GRM1: variants seen among roughly 807,000 people sequenced by gnomAD.
GRM1 encodes the protein glutamate metabotropic receptor 1.
A neutral mutation model predicts 90.9 loss-of-function variants in GRM1; 33 were observed. That is an observed-to-expected ratio of 0.36 (90% CI 0.28 to 0.49). GRM1 has a LOEUF of 0.49. Among genes scored for constraint, GRM1 ranks in the 20% least tolerant of loss-of-function variants. GRM1 has a pLI of 0.99. For synonymous variants in GRM1, 700 were observed against 613.2 expected, an observed-to-expected ratio of 1.14 and a Z score of -2.09; for missense variants, 1,190 against 1,534.3, an observed-to-expected ratio of 0.78 and a Z score of 3.75.
chr6:146,116,727 T>C (rs1775762311), intron 1 of GRM1, among the ~76,000 whole-genome samples: 2 of 152,142 alleles, frequency 1.3e-5, no homozygotes, highest in Non-Finnish European at 2.9e-5. Context: ...TCAGTAAATT[T>C]GGGGAGAGAT....
chr6:146,262,730 T>C (rs999049202), intron 2 of GRM1, among the ~76,000 whole-genome samples: 1 of 151,776 alleles, frequency 6.6e-6, no homozygotes, highest in African/African-American at 2.4e-5. Flanking sequence ...ATATGAAACA[T>C]ATGGAACCTT....
chr6:146,027,866 C>G (rs2128833131), upstream of GRM1: 1 of 152,662 alleles, frequency 6.6e-6, no homozygotes, highest in Middle Eastern at 3.4e-3. Context: ...CCACCCACAA[C>G]GGCAGACAAA....
intron 1 of GRM1, among the ~76,000 whole-genome samples, chr6:146,157,793 T>C (rs1777573118): frequency 6.6e-6 from 1 of 152,030 alleles, no homozygotes. Flanking sequence ...ATAGATAATA[T>C]AAATGCCAGT....
chr6:146,345,314 C>T (rs1785142107), intron 3 of GRM1, among the ~76,000 whole-genome samples: 1 of 152,142 alleles, frequency 6.6e-6, no homozygotes, highest in Non-Finnish European at 1.5e-5. Flanking sequence ...AGTGCAACAT[C>T]TTGTCAAGTT....
chr6:146,200,498 T>A (rs1779264748), intron 2 of GRM1, among the ~76,000 whole-genome samples: 1 of 152,214 alleles, frequency 6.6e-6, no homozygotes, highest in Non-Finnish European at 1.5e-5. Context: ...ATTGGGTCAC[T>A]GCCTCCTTCC....
intron 5 of GRM1, among the ~76,000 whole-genome samples, chr6:146,368,551 A>G (rs895314016): frequency 6.6e-6 from 1 of 152,068 alleles, no homozygotes; most frequent in Non-Finnish European, 1.5e-5. Context: ...CATTTCTTAT[A>G]TAACTAATTT....
chr6:146,072,973 G>A (rs1776063400), intron 1 of GRM1, among the ~76,000 whole-genome samples: 1 of 152,124 alleles, frequency 6.6e-6, no homozygotes, highest in Non-Finnish European at 1.5e-5. Flanking sequence ...AGGGGTCTCA[G>A]TGGCCACCTG....
At position 146,159,413 on chromosome 6, in the gene GRM1, G is replaced by T. The variant is rs1481149264; in HGVS notation, c.766G>T (p.Ala256Ser). The T allele has an allele frequency of 1.2e-6, 2 of 1,614,150 alleles. No homozygotes were observed. Among genetic ancestry groups the T allele is most frequent in the Non-Finnish European group, 8.5e-7 (1 of 1,180,002 alleles). The part of the protein sequence containing the change: ...ELAAQEGLCI[A>S]HSDKIYSNAG... The stretch of plus-strand genomic sequence containing the variant: ...GGCTGCCCAGGAAGGCCTCTGTATC[G>T]CCCATTCTGACAAAATCTACAGCAA... The change falls in exon 2 of 8, where the codon GCC (alanine) becomes TCC (serine). Residue 256 changes from alanine (A) to serine (S), a missense_variant. This residue lies in a region of GRM1 where 45 missense variants were observed against 45.5 expected (regional missense o/e 0.99). Coordinates refer to ENST00000282753, the MANE Select transcript of GRM1 (RefSeq NM_001278064.2).
At chr6:146,264,461 A>C (rs1308461402) in intron 2 of GRM1, among the ~76,000 whole-genome samples, 1 of 152,096 alleles carries the variant, frequency 6.6e-6, no homozygotes, top group Non-Finnish European at 1.5e-5. Context: ...TTTAATCAAA[A>C]TGAATTTAAA....
chr6:146,095,473 A>G (rs753421048), intron 1 of GRM1, among the ~76,000 whole-genome samples: 7 of 152,038 alleles, frequency 4.6e-5, no homozygotes, highest in Non-Finnish European at 1.0e-4. Flanking sequence ...GATCTTTCCT[A>G]TCTTCCAAAA....
intron 1 of GRM1, among the ~76,000 whole-genome samples, chr6:146,127,264 A>G (rs1583040228): frequency 6.6e-6 from 1 of 152,222 alleles, no homozygotes; most frequent in South Asian, 2.1e-4. Flanking sequence ...TGCAGCCAAG[A>G]GTAAGAGAGG....
Position 146,243,706 on chromosome 6 carries a change from G to A in GRM1, c.951-60905G>A, listed in dbSNP as rs539897196. ...TGAAGTTGCATGTTCCACTGGGCAC[G>A]CATCGTCATTGATAACATCTTATCA... is the stretch of plus-strand genomic sequence containing the variant. On this transcript the variant is annotated intron_variant, in intron 2 of 7. Transcript: ENST00000282753. 4.6e-5 allele frequency among the ~76,000 whole-genome samples: 7 copies of A among 152,206 alleles called. No homozygotes were observed. In the South Asian group the frequency reaches 1.5e-3, roughly 32 times the overall value.
chr6:146,041,421 T>A (rs535908805), intron 1 of GRM1, among the ~76,000 whole-genome samples: 1 of 152,044 alleles, frequency 6.6e-6, no homozygotes, highest in African/African-American at 2.4e-5. Context: ...CTATGCTGGT[T>A]GCCTGTTGAG....
chr6:146,233,730 T>A (rs942051740), intron 2 of GRM1, among the ~76,000 whole-genome samples: 1 of 152,148 alleles, frequency 6.6e-6, no homozygotes, highest in Non-Finnish European at 1.5e-5. Flanking sequence ...ATAGTTTACT[T>A]ATAGTCTAGA....
chr6:146,257,535 T>C (rs972610132), intron 2 of GRM1, among the ~76,000 whole-genome samples: 4 of 148,228 alleles, frequency 2.7e-5, no homozygotes, highest in Admixed American at 2.0e-4. Flanking sequence ...TATATATGTA[T>C]AATTTATATG....
At chr6:146,351,147 A>T (rs1041858278) in intron 3 of GRM1, among the ~76,000 whole-genome samples, 1 of 152,184 alleles carries the variant, frequency 6.6e-6, no homozygotes, top group Non-Finnish European at 1.5e-5. Flanking sequence ...CTTAGTGTCC[A>T]GTGACCTATT....
At chr6:146,233,619 T>C (rs968452584) in intron 2 of GRM1, among the ~76,000 whole-genome samples, 2 of 152,172 alleles carry the variant, frequency 1.3e-5, no homozygotes, top group African/African-American at 2.4e-5. Flanking sequence ...CCAGATATCC[T>C]TCTGTTACTA....
Position 146,398,787 on chromosome 6 carries a change from T to A in GRM1, c.1748T>A (p.Val583Glu). ...ATCACAGGCTGTGAGCCCATTCCTG[T>A]GCGCTATCTTGAGTGGAGCAACATC... ...ADLTGCEPIP[V>E]RYLEWSNIES... The change falls in exon 7 of 8, where the codon GTG (valine) becomes GAG (glutamate). Residue 583 changes from valine (V) to glutamate (E), a missense_variant. Physicochemically the swap from Val to Glu is moderately radical, Grantham distance 121. Transcript: ENST00000282753. The A allele has an allele frequency of 6.2e-7, 1 of 1,612,394 alleles. No homozygotes were observed. Among genetic ancestry groups the A allele is most frequent in the Non-Finnish European group, 8.5e-7 (1 of 1,178,396 alleles).
intron 3 of GRM1, among the ~76,000 whole-genome samples, chr6:146,311,794 G>T (rs562654438): frequency 1.3e-5 from 2 of 152,104 alleles, no homozygotes; most frequent in East Asian, 1.9e-4. Flanking sequence ...TTTTGGTTTC[G>T]TAGTTTTACA....
Sources: allele counts gnomAD v4.1 joint callset (sites outside exome capture counted in the v4.1 genomes callset), GRCh38; gene constraint gnomAD v4.1.1; regional missense constraint gnomAD v4.1.1; transcripts MANE v1.5; gene names NCBI Gene and HGNC (gene_info 2026-07-23, HGNC 2026-07-21).